Variants in CGNL1 observed in about 807,000 individuals in gnomAD.
The protein encoded by CGNL1 is cingulin like 1.
Under a neutral mutation model 141.2 loss-of-function variants are expected in CGNL1, and 132 were observed. The ratio of observed to expected loss-of-function variants is 0.93; its 90% confidence interval spans 0.81 to 1.08. CGNL1 has a LOEUF of 1.08. CGNL1 is among the 50% of genes least tolerant of loss of function. The pLI, the probability that CGNL1 is intolerant of heterozygous loss-of-function variation, is 0.00. For synonymous variants in CGNL1, 690 were observed against 622.1 expected, an observed-to-expected ratio of 1.11 and a Z score of -1.63; for missense variants, 1,870 against 1,588.6, an observed-to-expected ratio of 1.18 and a Z score of -3.01.
intron 8 of CGNL1, among the ~76,000 whole-genome samples, chr15:57,516,008 A>G (rs1374545100): frequency 6.6e-6 from 1 of 151,822 alleles, no homozygotes; most frequent in African/African-American, 2.4e-5. Flanking sequence ...AATATAAAAA[A>G]ATTAGCCAGG....
intron 8 of CGNL1, among the ~76,000 whole-genome samples, chr15:57,482,265 C>A (rs1465995464): frequency 1.3e-5 from 2 of 152,146 alleles, no homozygotes; most frequent in African/African-American, 2.4e-5. Flanking sequence ...TTAACAAGGT[C>A]TTTGAAAGGT....
At chr15:57,544,890 G>A (rs745323258) in intron 16 of CGNL1, among the ~76,000 whole-genome samples, 12 of 152,258 alleles carry the variant, frequency 7.9e-5, no homozygotes, top group South Asian at 2.1e-4. Flanking sequence ...CCCTTTTCCC[G>A]TTCTCTAAAT....
intron 1 of CGNL1, among the ~76,000 whole-genome samples, chr15:57,383,551 G>C (rs1171322166): frequency 9.2e-5 from 14 of 151,788 alleles, no homozygotes; most frequent in African/African-American, 3.4e-4. Flanking sequence ...GCCTGCCTCA[G>C]CCTCCCAAAG....
intron 11 of CGNL1, among the ~76,000 whole-genome samples, chr15:57,523,876 C>G (rs2031437127): frequency 6.6e-6 from 1 of 152,330 alleles, no homozygotes; most frequent in African/African-American, 2.4e-5. Context: ...CACCTCTTAA[C>G]AGTTAGTAGA....
At chr15:57,522,117 C>T (rs1460841366) in intron 10 of CGNL1, among the ~76,000 whole-genome samples, 1 of 152,154 alleles carries the variant, frequency 6.6e-6, no homozygotes, top group African/African-American at 2.4e-5. Context: ...ACTGCTAATT[C>T]CCCCCCACAC....
intron 8 of CGNL1, among the ~76,000 whole-genome samples, chr15:57,505,248 G>A (rs1248597870): frequency 6.6e-6 from 1 of 152,186 alleles, no homozygotes; most frequent in African/African-American, 2.4e-5. Context: ...TGTGTATATA[G>A]CGACTCATCC....
chr15:57,416,512 G>A (rs752772649), intron 1 of CGNL1, among the ~76,000 whole-genome samples: 12 of 152,124 alleles, frequency 7.9e-5, no homozygotes, highest in Non-Finnish European at 1.6e-4. Context: ...CTGCTGTTAA[G>A]ATAGCCTTCT....
At chr15:57,458,043 T>C (rs1189192632) in intron 7 of CGNL1, among the ~76,000 whole-genome samples, 1 of 152,180 alleles carries the variant, frequency 6.6e-6, no homozygotes, top group Admixed American at 6.5e-5. Context: ...CATGTTAGAA[T>C]CTCAGAGCTT....
intron 6 of CGNL1, among the ~76,000 whole-genome samples, chr15:57,453,298 C>A (rs751146619): frequency 6.6e-6 from 1 of 152,166 alleles, no homozygotes; most frequent in African/African-American, 2.4e-5. Context: ...TTTGCCAACT[C>A]TCCTGGTCTA....
At chr15:57,533,651 C>T (rs1307353852) in intron 14 of CGNL1, among the ~76,000 whole-genome samples, 7 of 152,216 alleles carry the variant, frequency 4.6e-5, no homozygotes, top group African/African-American at 2.4e-5. Flanking sequence ...TGAACCAGAA[C>T]GTGTCTGCTT....
chr15:57,405,061 C>A (rs1380077375), intron 1 of CGNL1: 1 of 152,048 alleles, frequency 6.6e-6, no homozygotes, highest in Non-Finnish European at 1.5e-5. Flanking sequence ...TGCTTTCTTT[C>A]CTTTCTTTTT....
intron 7 of CGNL1, among the ~76,000 whole-genome samples, chr15:57,458,378 A>T (rs1796683939): frequency 6.6e-6 from 1 of 152,104 alleles, no homozygotes; most frequent in Admixed American, 6.5e-5. Context: ...ACTCTGGAAA[A>T]CTTCAAGTGC....
At chr15:57,464,959 C>G (rs1216128596) in intron 8 of CGNL1, among the ~76,000 whole-genome samples, 1 of 152,008 alleles carries the variant, frequency 6.6e-6, no homozygotes, top group African/African-American at 2.4e-5. Context: ...GTCGTGTTGA[C>G]CAGGCTGGTC....
chr15:57,384,924 T>C (rs779650174), intron 1 of CGNL1, among the ~76,000 whole-genome samples: 3 of 152,126 alleles, frequency 2.0e-5, no homozygotes, highest in Non-Finnish European at 4.4e-5. Flanking sequence ...GTGGGGAGTG[T>C]TTTGCAAAAA....
At position 57,453,696 on chromosome 15, in the gene CGNL1, A is replaced by T; in HGVS notation, c.2068A>T (p.Lys690Ter). The T allele has an allele frequency of 6.2e-7, 1 of 1,613,870 alleles. No individual in the cohort carries two copies. Among genetic ancestry groups the T allele is most frequent in the Non-Finnish European group, 8.5e-7 (1 of 1,179,902 alleles). ...CTTCCCTGCCAGGCTATTCCAGGTG[A>T]AGATGGAACGGGAGCAGCATCAGAC... ...RKNLEELFQVKMEREQHQTEI... is the reference protein window; with the variant it reads ...RKNLEELFQV Residue 690 changes from lysine (K) to a stop codon, truncating the protein, a stop_gained, in exon 7 of 19, where the codon AAG becomes TAG. Coordinates refer to ENST00000281282, the MANE Select transcript of CGNL1 (RefSeq NM_032866.5). LOFTEE classifies it high-confidence loss of function.
chr15:57,438,542 A>G lies in CGNL1; in HGVS notation c.543A>G (p.Glu181=). The G allele has an allele frequency of 6.2e-7, 1 of 1,613,952 alleles. No homozygotes were observed. The highest frequency in any genetic ancestry group is 8.5e-7 in the Non-Finnish European group (1 of 1,180,042). ...ESNWLKTLTE[E]GINNKKPWTC... ...ATTGGCTAAAAACGTTGACAGAAGA[A>G]GGCATCAACAATAAGAAGCCTTGGA... Residue 181 remains glutamate, a synonymous_variant, in exon 2 of 19, where the codon GAA becomes GAG. Coordinates refer to ENST00000281282, the MANE Select transcript of CGNL1 (RefSeq NM_032866.5).
chr15:57,544,231 G>A (rs1369044559), intron 15 of CGNL1, among the ~76,000 whole-genome samples: 3 of 152,240 alleles, frequency 2.0e-5, no homozygotes, highest in African/African-American at 7.2e-5. Context: ...ACATGGCAAA[G>A]GTTTCATTCA....
chr15:57,442,518 TG>T, intron 4 of CGNL1, 40 bp downstream of exon 4: 1 of 1,239,686 alleles, frequency 8.1e-7, no homozygotes, highest in Non-Finnish European at 1.2e-6. Flanking sequence ...GCATTTAGCA[TG>T]GAATGTGGTA....
chr15:57,545,441 CT>C (rs2032803447), intron 16 of CGNL1, 150 bp from the exon 17 acceptor site: 13 of 624,816 alleles, frequency 2.1e-5, no homozygotes, highest in Non-Finnish European at 3.3e-5. Flanking sequence ...TCACAAGCAG[CT>C]TTTTCTGCTG....
Sources: allele counts gnomAD v4.1 joint callset (sites outside exome capture counted in the v4.1 genomes callset), GRCh38; gene constraint gnomAD v4.1.1; transcripts MANE v1.5; gene names NCBI Gene and HGNC (gene_info 2026-07-23, HGNC 2026-07-21).